The following CACNA1C variants were observed in gnomAD, a reference collection of about 807,000 sequenced individuals.
CACNA1C encodes calcium voltage-gated channel subunit alpha1 C.
Under a neutral mutation model 229.0 loss-of-function variants are expected in CACNA1C, and 30 were observed. That is an observed-to-expected ratio of 0.13 (90% CI 0.10 to 0.18). The LOEUF is 0.18. CACNA1C is among the 10% of genes least tolerant of loss of function. The probability of loss-of-function intolerance (pLI) is 1.00; values close to 1 mark genes in which losing one functional copy is unlikely to be tolerated. For missense variants in CACNA1C, 1,658 were observed against 2,845.0 expected (o/e 0.58, Z 9.49); for synonymous variants, 1,114 against 1,132.5 (o/e 0.98, Z 0.33).
intron 1 of CACNA1C, among the ~76,000 whole-genome samples, chr12:2,074,041 C>T (rs1244679755): frequency 6.6e-6 from 1 of 152,134 alleles, no homozygotes; most frequent in East Asian, 1.9e-4. Context: ...GGCCATTCCT[C>T]ATAGAGTCAG....
chr12:2,688,732 GC>G lies in CACNA1C; in HGVS notation c.6074del (p.Pro2025GlnfsTer17). The part of the protein sequence containing the change: ...VSLMVPSQAG[A>X]PGRQFHGSAS... ...CCTCATGGTGCCCAGCCAGGCTGGG[GC>G]CCCAGGGAGGCAGTTCCACGGCAGT... On this transcript the variant is annotated frameshift_variant, in exon 46 of 47. Coordinates refer to ENST00000399655, the MANE Select transcript of CACNA1C (RefSeq NM_000719.7). LOFTEE classifies it high-confidence loss of function. 1 of 1,596,258 alleles carries G rather than the reference GC, an allele frequency of 6.3e-7. No homozygotes were observed.
chr12:2,085,498 A>G (rs1387591984), intron 1 of CACNA1C, among the ~76,000 whole-genome samples: 1 of 152,156 alleles, frequency 6.6e-6, no homozygotes. Context: ...TGGCCAAGCC[A>G]GGTACCTGGA....
chr12:2,672,992 G>A (rs890600602), intron 38 of CACNA1C, among the ~76,000 whole-genome samples: 10 of 152,258 alleles, frequency 6.6e-5, no homozygotes, highest in East Asian at 5.8e-4. Context: ...TCGGGATTCC[G>A]TCAATCCCTC....
intron 3 of CACNA1C, among the ~76,000 whole-genome samples, chr12:2,278,409 G>T (rs1435413572): frequency 6.6e-6 from 1 of 152,128 alleles, no homozygotes; most frequent in Non-Finnish European, 1.5e-5. Context: ...AATCCCAGTA[G>T]CTCAGCCCTC....
chr12:1,991,152 C>T (rs1178996359), intron 1 of CACNA1C: 1 of 456,050 alleles, frequency 2.2e-6, no homozygotes, highest in East Asian at 6.9e-5. Flanking sequence ...AATAGTAGAG[C>T]AGTACAGGTG....
At chr12:1,994,639 A>G (rs1383697862) in intron 1 of CACNA1C, among the ~76,000 whole-genome samples, 1 of 152,212 alleles carries the variant, frequency 6.6e-6, no homozygotes, top group Non-Finnish European at 1.5e-5. Flanking sequence ...GGGTGTCTCT[A>G]TGAACTCTCT....
intron 3 of CACNA1C, among the ~76,000 whole-genome samples, chr12:2,211,963 C>T (rs1349323033): frequency 2.0e-5 from 3 of 151,974 alleles, no homozygotes; most frequent in Admixed American, 6.6e-5. Flanking sequence ...TCAGGTGATC[C>T]ACCCGCCTCA....
intron 3 of CACNA1C, among the ~76,000 whole-genome samples, chr12:2,229,594 G>T (rs1433186684): frequency 6.6e-6 from 1 of 152,174 alleles, no homozygotes; most frequent in African/African-American, 2.4e-5. Flanking sequence ...AGGGGAATGG[G>T]GTGTGAGTGG....
At chr12:2,178,912 A>G (rs1287888250) in intron 3 of CACNA1C, among the ~76,000 whole-genome samples, 1 of 152,078 alleles carries the variant, frequency 6.6e-6, no homozygotes, top group Non-Finnish European at 1.5e-5. Flanking sequence ...AAATACAAAA[A>G]TTAGCTAGTT....
At chr12:2,311,767 G>A (rs2095449393) in intron 3 of CACNA1C, among the ~76,000 whole-genome samples, 1 of 152,200 alleles carries the variant, frequency 6.6e-6, no homozygotes, top group Non-Finnish European at 1.5e-5. Context: ...ACTAGAAACA[G>A]CTTTTGAGAA....
chr12:2,394,858 C>A (rs1046984782), intron 3 of CACNA1C, among the ~76,000 whole-genome samples: 2 of 152,134 alleles, frequency 1.3e-5, no homozygotes, highest in Non-Finnish European at 2.9e-5. Context: ...TCTAACTTGG[C>A]CAGATGTACC....
intron 1 of CACNA1C, among the ~76,000 whole-genome samples, chr12:2,095,248 G>T (rs899009830): frequency 6.6e-6 from 1 of 152,102 alleles, no homozygotes; most frequent in Non-Finnish European, 1.5e-5. Context: ...TTTCTTTCCT[G>T]TCTTCATAGA....
intron 45 of CACNA1C, among the ~76,000 whole-genome samples, chr12:2,686,539 T>G (rs2097507231): frequency 6.6e-6 from 1 of 152,188 alleles, no homozygotes; most frequent in South Asian, 2.1e-4. Context: ...CAGCTGCAGG[T>G]TCCACCTGAG....
At position 2,526,325 on chromosome 12, in the gene CACNA1C, A is replaced by T. The variant is rs558954666; in HGVS notation, c.1390+13341A>T. On this transcript the variant is annotated intron_variant, in intron 9 of 46. Coordinates refer to ENST00000399655, the MANE Select transcript of CACNA1C (RefSeq NM_000719.7). ...CCCAAAGACAAGTGTCTGTGCTGCT[A>T]TTCCAGGGCCTTGTCACATCACACT... 2.6e-5 allele frequency among the ~76,000 whole-genome samples: 4 copies of T among 152,320 alleles called. No individual in the cohort carries two copies. In the South Asian group the frequency reaches 8.3e-4, roughly 32 times the overall value.
intron 6 of CACNA1C, among the ~76,000 whole-genome samples, chr12:2,490,930 G>T (rs1013939642): frequency 1.3e-5 from 2 of 152,110 alleles, no homozygotes; most frequent in African/African-American, 4.8e-5. Flanking sequence ...TTAAGCACTG[G>T]CCCAAGAATA....
chr12:2,056,112 C>T (rs1021710791), intron 1 of CACNA1C, among the ~76,000 whole-genome samples: 5 of 152,066 alleles, frequency 3.3e-5, no homozygotes, highest in Non-Finnish European at 5.9e-5. Context: ...TTCCTCTCTT[C>T]CCGACATGCT....
At chr12:2,164,255 C>G (rs1392474039) in intron 3 of CACNA1C, among the ~76,000 whole-genome samples, 3 of 152,226 alleles carry the variant, frequency 2.0e-5, no homozygotes, top group African/African-American at 7.2e-5. Context: ...GGTCTGCTTT[C>G]CTTCCTCTCT....
chr12:2,525,303 G>A (rs1239634592), intron 9 of CACNA1C, among the ~76,000 whole-genome samples: 1 of 152,228 alleles, frequency 6.6e-6, no homozygotes, highest in Non-Finnish European at 1.5e-5. Context: ...TAAGGCCTGA[G>A]TGGGAGTGGA....
intron 11 of CACNA1C, among the ~76,000 whole-genome samples, chr12:2,559,559 A>G (rs1210910071): frequency 6.6e-6 from 1 of 152,250 alleles, no homozygotes; most frequent in Non-Finnish European, 1.5e-5. Flanking sequence ...AATACACCGC[A>G]GTAATGCGGA....
Sources: allele counts gnomAD v4.1 joint callset (sites outside exome capture counted in the v4.1 genomes callset), GRCh38; gene constraint gnomAD v4.1.1; transcripts MANE v1.5; gene names NCBI Gene and HGNC (gene_info 2026-07-23, HGNC 2026-07-21).